Variants in RASSF8 observed in about 807,000 individuals in gnomAD.
The protein encoded by RASSF8 is ras association domain-containing protein 8.
In RASSF8, 22 loss-of-function variants were observed where a neutral mutation model predicts 48.5. That is an observed-to-expected ratio of 0.45 (90% CI 0.32 to 0.65). The LOEUF is 0.65. RASSF8 is among the 30% of genes least tolerant of loss of function. The probability of loss-of-function intolerance (pLI) is 0.03; values close to 1 mark genes in which losing one functional copy is unlikely to be tolerated. For missense variants in RASSF8, 418 were observed against 489.2 expected, an observed-to-expected ratio of 0.85 and a Z score of 1.37; for synonymous variants, 127 against 171.5, an observed-to-expected ratio of 0.74 and a Z score of 2.03.
intron 2 of RASSF8, among the ~76,000 whole-genome samples, chr12:26,017,102 T>A (rs890864998): frequency 6.6e-6 from 1 of 151,932 alleles, no homozygotes; most frequent in African/African-American, 2.4e-5. Context: ...AAAAGCTATT[T>A]AGCCATAAGT....
intron 2 of RASSF8, among the ~76,000 whole-genome samples, chr12:26,012,682 C>CTTTTT (rs775400464): frequency 1.5e-5 from 2 of 131,800 alleles, no homozygotes; most frequent in African/African-American, 2.8e-5. Context: ...GGCCTTTTTT[C>CTTTTT]TTTTTTTTTT....
chr12:25,984,381 C>G (rs1054667521), intron 1 of RASSF8, among the ~76,000 whole-genome samples: 13 of 152,026 alleles, frequency 8.6e-5, no homozygotes, highest in African/African-American at 2.9e-4. Context: ...TCTGCTCTGT[C>G]ACCCAGGCTG....
At chr12:26,034,332 G>A (rs911336552) in intron 2 of RASSF8, among the ~76,000 whole-genome samples, 45 of 151,482 alleles carry the variant, frequency 3.0e-4, no homozygotes, top group African/African-American at 1.1e-3. Flanking sequence ...TCAATCTTTT[G>A]GCTTCCCTGG....
At chr12:26,023,628 G>T (rs1942836603) in intron 2 of RASSF8, among the ~76,000 whole-genome samples, 1 of 151,696 alleles carries the variant, frequency 6.6e-6, no homozygotes. Context: ...ATAAAAGCAA[G>T]TAACTCCAGA....
At chr12:26,030,001 G>C (rs1276792634) in intron 2 of RASSF8, among the ~76,000 whole-genome samples, 1 of 152,098 alleles carries the variant, frequency 6.6e-6, no homozygotes, top group Non-Finnish European at 1.5e-5. Flanking sequence ...TATTTAAAAA[G>C]AGTTTAGGGC....
chr12:26,020,740 GTATC>G (rs1565622217), intron 2 of RASSF8, among the ~76,000 whole-genome samples: 1 of 152,072 alleles, frequency 6.6e-6, no homozygotes, highest in Non-Finnish European at 1.5e-5. Flanking sequence ...CAAATTTTAA[GTATC>G]TATTTCTAGG....
At chr12:25,958,522 G>C (rs1200618125), upstream of RASSF8, 1 of 150,796 alleles carries the variant, frequency 6.6e-6, no homozygotes, top group Non-Finnish European at 1.5e-5. Flanking sequence ...GCGCGGGCGG[G>C]GCGCGGAGGA....
At chr12:25,979,569 T>C (rs572839297) in intron 1 of RASSF8, among the ~76,000 whole-genome samples, 32 of 152,232 alleles carry the variant, frequency 2.1e-4, no homozygotes, top group Non-Finnish European at 4.0e-4. Flanking sequence ...TATTAACTTA[T>C]TTAAATCTCA....
exon 6 of RASSF8, chr12:26,079,098 G>A: frequency 2.0e-6 from 3 of 1,509,870 alleles, no homozygotes; most frequent in Non-Finnish European, 8.9e-7. Flanking sequence ...GCTCAGGCAA[G>A]AAAAGCAAAA....
chr12:26,040,221 A>G (rs921626734), intron 2 of RASSF8, among the ~76,000 whole-genome samples: 1 of 152,228 alleles, frequency 6.6e-6, no homozygotes, highest in Non-Finnish European at 1.5e-5. Context: ...TCTCCTTAAC[A>G]TAAGATTTTT....
chr12:26,048,378 G>T (rs1943417278), intron 2 of RASSF8, among the ~76,000 whole-genome samples: 3 of 152,148 alleles, frequency 2.0e-5, no homozygotes, highest in Admixed American at 1.3e-4. Context: ...GACTTGGGAA[G>T]AAGAATATAG....
At chr12:26,042,407 A>G (rs1041121901) in intron 2 of RASSF8, among the ~76,000 whole-genome samples, 1 of 152,154 alleles carries the variant, frequency 6.6e-6, no homozygotes, top group Non-Finnish European at 1.5e-5. Flanking sequence ...AAAAGTCTGC[A>G]TTGTTTACTT....
At chr12:26,043,487 A>T (rs557701201) in intron 2 of RASSF8, among the ~76,000 whole-genome samples, 1 of 152,306 alleles carries the variant, frequency 6.6e-6, no homozygotes, top group African/African-American at 2.4e-5. Flanking sequence ...AGGGGAATGG[A>T]ATCCAGTTTT....
At chr12:25,961,159 C>T (rs1220382988) in intron 1 of RASSF8, among the ~76,000 whole-genome samples, 1 of 150,988 alleles carries the variant, frequency 6.6e-6, no homozygotes, top group Non-Finnish European at 1.5e-5. Context: ...GGGTTTCTGA[C>T]TCATTAATTG....
At chr12:26,020,592 G>C (rs1366815065) in intron 2 of RASSF8, 2 of 152,024 alleles carry the variant, frequency 1.3e-5, no homozygotes, top group Non-Finnish European at 1.5e-5. Flanking sequence ...TGAGCTATCT[G>C]CTGTGAAAGT....
intron 2 of RASSF8, among the ~76,000 whole-genome samples, chr12:26,000,982 C>CTTTTT (rs34793650): frequency 1.9e-4 from 15 of 81,040 alleles, no homozygotes; most frequent in Admixed American, 3.5e-4. Context: ...TTAAAATTTC[C>CTTTTT]TTTTTTTTTT....
rs1024342276 is a variant in RASSF8, at chr12:26,069,343, C to T, written c.*525C>T. 1.1e-5 allele frequency: 11 copies of T among 984,724 alleles called. No individual in the cohort carries two copies. In the African/African-American group the frequency reaches 1.6e-4, roughly 14 times the overall value. 61.0% of individuals were successfully genotyped at this position (984,724 alleles called of 1,614,324 possible). A position where few individuals can be genotyped will look rare whatever the true frequency, so the allele number is the denominator to read the frequency against. On this transcript the variant is annotated 3_prime_UTR_variant, in exon 6 of 6. Transcript: ENST00000689635. ...CAAGTGTCCTAGGGTGCTCCACCAT[C>T]GAAGCTAACTCCACAGGAAGCCACT...
At chr12:26,018,849 G>T (rs1240103936) in intron 2 of RASSF8, among the ~76,000 whole-genome samples, 2 of 152,230 alleles carry the variant, frequency 1.3e-5, no homozygotes, top group African/African-American at 2.4e-5. Flanking sequence ...TGAGTTGCTT[G>T]AGTTGATGCA....
intron 1 of RASSF8, among the ~76,000 whole-genome samples, chr12:25,977,671 CAA>C (rs111553798): frequency 2.1e-5 from 3 of 140,174 alleles, no homozygotes. Flanking sequence ...ATTTGTAAGG[CAA>C]AAAAAAAAAA....
Sources: gnomAD v4.1 joint callset for allele counts (sites outside exome capture counted in the v4.1 genomes callset) on GRCh38, gnomAD v4.1.1 for gene constraint, MANE v1.5 for transcripts, NCBI Gene and HGNC (gene_info 2026-07-23, HGNC 2026-07-21) for gene names.